Variants in ENPP6 observed in about 807,000 individuals in gnomAD.
ENPP6 encodes the protein ectonucleotide pyrophosphatase/phosphodiesterase 6, also known as glycerophosphocholine cholinephosphodiesterase ENPP6.
A neutral mutation model predicts 42.0 loss-of-function variants in ENPP6; 32 were observed. The ratio of observed to expected loss-of-function variants is 0.76; its 90% CI spans 0.58 to 1.02. The LOEUF is 1.02. Ranked by LOEUF, ENPP6 falls within the 50% of genes least tolerant of loss-of-function variation. The probability of loss-of-function intolerance (pLI) is 0.00; values close to 1 mark genes in which losing one functional copy is unlikely to be tolerated. For missense variants in ENPP6, 552 were observed against 566.8 expected (o/e 0.97, Z 0.27); for synonymous variants, 213 against 216.0 (o/e 0.99, Z 0.12).
chr4:184,173,230 T>G (rs1737502861), intron 1 of ENPP6, among the ~76,000 whole-genome samples: 1 of 152,182 alleles, frequency 6.6e-6, no homozygotes, highest in Non-Finnish European at 1.5e-5. Context: ...AAGTGTTCAT[T>G]GGAGCCTTGG....
intron 3 of ENPP6, among the ~76,000 whole-genome samples, chr4:184,123,367 A>G (rs1392631377): frequency 6.6e-6 from 1 of 152,008 alleles, no homozygotes. Flanking sequence ...TGGGGGGATG[A>G]AGGTCCTGTC....
chr4:184,173,004 A>C (rs1737494802), intron 1 of ENPP6, among the ~76,000 whole-genome samples: 2 of 152,112 alleles, frequency 1.3e-5, no homozygotes, highest in African/African-American at 4.8e-5. Context: ...ACCAGGGTTC[A>C]AGCAATTCTC....
Position 184,113,926 on chromosome 4 carries a change from T to TCTTTCTTC in ENPP6, c.856-1118_856-1117insGAAGAAAG, listed in dbSNP as rs751063099. ...TTCTTTCTTTCTTTCTTTCTTTCTT[T>TCTTTCTTC]CTTTCTTTCTTTCTTTCTTTCTTTC... is the stretch of plus-strand genomic sequence containing the variant. On this transcript the variant is annotated intron_variant, in intron 5 of 7. Transcript: ENST00000296741. Among the ~76,000 whole-genome samples, 516 of 141,072 alleles carry TCTTTCTTC rather than the reference T, an allele frequency of 3.7e-3. 3 individuals carry two copies. The highest frequency in any genetic ancestry group is 0.015 in the South Asian group (64 of 4,370). The allele number at this position is 141,072 out of a possible 152,430, so 92.5% of individuals were successfully genotyped here. A position where few individuals can be genotyped will look rare whatever the true frequency, so the allele number is the denominator to read the frequency against.
rs1736877818 is a variant in ENPP6 at position 184,144,127 on chromosome 4, G to A, written c.421+9427C>T. On this transcript the variant is annotated intron_variant, in intron 2 of 7. Coordinates refer to ENST00000296741, the MANE Select transcript of ENPP6 (RefSeq NM_153343.4). ...GGTGCTGACAGAGAATGGGGCCTAG[G>A]CCTAGGAGGAAGGCGTATGATGCGG... 3.9e-5 allele frequency among the ~76,000 whole-genome samples: 6 copies of A among 152,224 alleles called. No individual in the cohort carries two copies. The South Asian group carries it at 1.2e-3, about 31-fold the overall frequency.
chr4:184,152,824 C>T (rs1435316107), intron 2 of ENPP6, among the ~76,000 whole-genome samples: 1 of 152,172 alleles, frequency 6.6e-6, no homozygotes, highest in East Asian at 1.9e-4. Context: ...GGAGTCTTAA[C>T]ACAAAGGGAC....
At chr4:184,172,044 C>T (rs933263575) in intron 1 of ENPP6, among the ~76,000 whole-genome samples, 7 of 151,896 alleles carry the variant, frequency 4.6e-5, no homozygotes, top group East Asian at 3.9e-4. Context: ...GGTGAGATGA[C>T]GCTTGAGTGG....
chr4:184,099,208 T>A (rs947870110), intron 6 of ENPP6, among the ~76,000 whole-genome samples: 1 of 152,180 alleles, frequency 6.6e-6, no homozygotes, highest in African/African-American at 2.4e-5. Context: ...CTGCCAGAGG[T>A]CACTGCAGTG....
intron 2 of ENPP6, among the ~76,000 whole-genome samples, chr4:184,152,192 C>T (rs772821708): frequency 1.3e-5 from 2 of 152,202 alleles, no homozygotes; most frequent in African/African-American, 2.4e-5. Flanking sequence ...CGCCGCACCA[C>T]AGCTGGGTGG....
intron 1 of ENPP6, among the ~76,000 whole-genome samples, chr4:184,164,737 T>C (rs951925622): frequency 1.3e-5 from 2 of 152,212 alleles, no homozygotes; most frequent in African/African-American, 2.4e-5. Context: ...CCACATTTCG[T>C]CCTCACCGTG....
At position 184,124,075 on chromosome 4, in the gene ENPP6, C is replaced by A. The variant is rs1736461466; in HGVS notation, c.533+86G>T. ...ACTCTCTGACATTATTTCATCTCCACAAAGCCCTCTTAATTCACTTTAGGA... is the reference window on the plus strand; with the variant it reads ...ACTCTCTGACATTATTTCATCTCCAAAAAGCCCTCTTAATTCACTTTAGGA... On this transcript the variant is annotated intron_variant, in intron 3 of 7. Coordinates refer to ENST00000296741, the MANE Select transcript of ENPP6 (RefSeq NM_153343.4). 41 of 1,054,542 alleles carry A rather than the reference C, an allele frequency of 3.9e-5. No homozygotes were observed. The South Asian group carries it at 6.1e-4, about 16-fold the overall frequency. 65.3% of individuals were successfully genotyped at this position (1,054,542 alleles called of 1,614,324 possible).
At chr4:184,159,549 CAG>C (rs1737228950) in intron 1 of ENPP6, among the ~76,000 whole-genome samples, 1 of 152,212 alleles carries the variant, frequency 6.6e-6, no homozygotes, top group Non-Finnish European at 1.5e-5. Context: ...GTTTATGCTA[CAG>C]TAGCTACAAT....
chr4:184,095,655 A>AG (rs1491181961), intron 7 of ENPP6, among the ~76,000 whole-genome samples: 5 of 50,864 alleles, frequency 9.8e-5, no homozygotes, highest in African/African-American at 2.9e-4. Flanking sequence ...AAACTGTCTC[A>AG]AAAAAAAAAA....
chr4:184,172,845 A>G (rs1180999559), intron 1 of ENPP6, among the ~76,000 whole-genome samples: 1 of 152,182 alleles, frequency 6.6e-6, no homozygotes. Context: ...AGCGAGAGGA[A>G]ATGTACATTC....
At chr4:184,175,696 G>A (rs1737549092) in intron 1 of ENPP6, among the ~76,000 whole-genome samples, 2 of 152,200 alleles carry the variant, frequency 1.3e-5, no homozygotes, top group South Asian at 4.1e-4. Flanking sequence ...GGAGTATTGA[G>A]AAACAGGAGT....
intron 2 of ENPP6, among the ~76,000 whole-genome samples, chr4:184,140,075 T>C (rs541032991): frequency 6.1e-4 from 92 of 150,666 alleles, no homozygotes; most frequent in African/African-American, 2.0e-3. Context: ...TGGTATCTCA[T>C]TGTGGTTTTG....
chr4:184,107,965 C>A (rs1339285919), intron 6 of ENPP6, among the ~76,000 whole-genome samples: 1 of 151,622 alleles, frequency 6.6e-6, no homozygotes, highest in Non-Finnish European at 1.5e-5. Context: ...TTTTCAGTGA[C>A]GCCTCTCTAA....
At chr4:184,111,266 AC>A (rs1185348569) in intron 6 of ENPP6, among the ~76,000 whole-genome samples, 2 of 152,212 alleles carry the variant, frequency 1.3e-5, no homozygotes, top group African/African-American at 4.8e-5. Flanking sequence ...CTGTGGATTA[AC>A]CTTCAGGGCA....
chr4:184,125,882 A>T (rs1014129313), intron 2 of ENPP6, among the ~76,000 whole-genome samples: 14 of 152,220 alleles, frequency 9.2e-5, no homozygotes, highest in African/African-American at 3.1e-4. Context: ...ATATCACTTT[A>T]GATACCAGTG....
chr4:184,168,920 C>A (rs1290767365), intron 1 of ENPP6, among the ~76,000 whole-genome samples: 2 of 152,184 alleles, frequency 1.3e-5, no homozygotes, highest in African/African-American at 4.8e-5. Context: ...CTCATTCCCC[C>A]ACCCCACCCT....
Sources: gnomAD v4.1 joint callset for allele counts (sites outside exome capture counted in the v4.1 genomes callset) on GRCh38, gnomAD v4.1.1 for gene constraint, MANE v1.5 for transcripts, NCBI Gene and HGNC (gene_info 2026-07-23, HGNC 2026-07-21) for gene names.